HSD17B4: variants seen among roughly 807,000 people sequenced by gnomAD.
HSD17B4 encodes the protein peroxisomal multifunctional enzyme type 2.
A neutral mutation model predicts 101.0 loss-of-function variants in HSD17B4; 70 were observed. The ratio of observed to expected loss-of-function variants is 0.69; its 90% CI spans 0.57 to 0.85. The LOEUF is 0.85. Among genes scored for constraint, HSD17B4 ranks in the 40% least tolerant of loss-of-function variants. HSD17B4 has a pLI of 0.00. For synonymous variants in HSD17B4, 347 were observed against 297.1 expected (o/e 1.17, Z -1.73); for missense variants, 984 against 892.4 (o/e 1.10, Z -1.31).
intron 2 of HSD17B4, chr5:119,471,823 T>A (rs1756399728): frequency 1.8e-6 from 1 of 558,356 alleles, no homozygotes; most frequent in Admixed American, 3.4e-5. Flanking sequence ...ACTTTGATAT[T>A]TGTTCTTATT....
chr5:119,473,315 T>C (rs1357630209), intron 2 of HSD17B4, among the ~76,000 whole-genome samples: 1 of 110,964 alleles, frequency 9.0e-6, no homozygotes, highest in Non-Finnish European at 1.8e-5. Context: ...TCCCTGCTCC[T>C]TTTTTTTTTT....
At chr5:119,467,681 A>G (rs748377290) in intron 2 of HSD17B4, among the ~76,000 whole-genome samples, 14 of 152,244 alleles carry the variant, frequency 9.2e-5, no homozygotes, top group Non-Finnish European at 1.9e-4. Context: ...CCAAACATCA[A>G]TAGAAAATAC....
intron 17 of HSD17B4, among the ~76,000 whole-genome samples, chr5:119,517,627 C>T (rs1276545431): frequency 6.6e-6 from 1 of 152,222 alleles, no homozygotes; most frequent in Admixed American, 6.5e-5. Context: ...CACCAATGGG[C>T]ACTCTGTATC....
chr5:119,476,516 ATTGT>A, intron 6 of HSD17B4: 1 of 971,882 alleles, frequency 1.0e-6, no homozygotes, highest in Non-Finnish European at 1.2e-6. Context: ...CAATTGTATC[ATTGT>A]TTATAGAGTG....
intron 14 of HSD17B4, among the ~76,000 whole-genome samples, chr5:119,503,555 A>G (rs1428232786): frequency 6.6e-6 from 1 of 152,162 alleles, no homozygotes; most frequent in Non-Finnish European, 1.5e-5. Flanking sequence ...TTTATAATCT[A>G]CTACTGTTTA....
intron 22 of HSD17B4, among the ~76,000 whole-genome samples, chr5:119,532,719 G>A (rs911749535): frequency 2.6e-5 from 4 of 151,938 alleles, no homozygotes; most frequent in Non-Finnish European, 5.9e-5. Context: ...GTAAAAAATC[G>A]GAGGAAATGA....
At chr5:119,493,976 G>C in intron 11 of HSD17B4, 30 bp downstream of exon 11, 1 of 1,611,762 alleles carries the variant, frequency 6.2e-7, no homozygotes, top group South Asian at 1.1e-5. Flanking sequence ...CTTAGCCCTG[G>C]TTGGGGAATC....
chr5:119,518,460 A>G (rs1371120595), intron 17 of HSD17B4, among the ~76,000 whole-genome samples: 4 of 152,180 alleles, frequency 2.6e-5, no homozygotes, highest in Non-Finnish European at 5.9e-5. Flanking sequence ...TTCCGGACAC[A>G]GAAGGGTTCG....
At chr5:119,492,078 GT>G (rs869205643) in intron 9 of HSD17B4, 21 bp from the exon 10 acceptor site, 2 of 1,598,620 alleles carry the variant, frequency 1.3e-6, no homozygotes, top group East Asian at 2.2e-5. Context: ...ATGGTATAAT[GT>G]TTTCCCCCTC....
intron 15 of HSD17B4, 74 bp from the exon 16 acceptor site, chr5:119,509,067 T>C: frequency 1.2e-6 from 1 of 833,216 alleles, no homozygotes; most frequent in Non-Finnish European, 2.1e-6. Flanking sequence ...CAGGAATTGT[T>C]GAACCTATCT....
At chr5:119,519,674 A>C (rs1752944033) in intron 17 of HSD17B4, among the ~76,000 whole-genome samples, 1 of 152,234 alleles carries the variant, frequency 6.6e-6, no homozygotes, top group African/African-American at 2.4e-5. Flanking sequence ...ATATCAAGTC[A>C]TATTTCCTGG....
At chr5:119,458,316 C>T (rs988878839) in intron 2 of HSD17B4, among the ~76,000 whole-genome samples, 3 of 151,390 alleles carry the variant, frequency 2.0e-5, no homozygotes, top group South Asian at 2.1e-4. Context: ...CCATAGACAC[C>T]GTGTTTCCAA....
At chr5:119,503,742 T>C (rs1751403001) in intron 14 of HSD17B4, among the ~76,000 whole-genome samples, 2 of 143,692 alleles carry the variant, frequency 1.4e-5, no homozygotes, top group Non-Finnish European at 3.1e-5. Context: ...CTTTTCTGTC[T>C]GTTTTTTTTT....
chr5:119,474,813 A>G (rs867853661), intron 4 of HSD17B4, among the ~76,000 whole-genome samples: 19 of 152,172 alleles, frequency 1.2e-4, no homozygotes, highest in African/African-American at 4.3e-4. Flanking sequence ...CTTTTGGATA[A>G]TTATAATAAT....
intron 22 of HSD17B4, 134 bp from the exon 23 acceptor site, chr5:119,536,285 TGATA>T (rs774769481): frequency 1.0e-5 from 8 of 776,076 alleles, no homozygotes; most frequent in South Asian, 3.1e-5. Context: ...AATGTATAAT[TGATA>T]GATAGAATAT....
chr5:119,530,004 A>G (rs1283975473), intron 21 of HSD17B4, 24 bp downstream of exon 21: 1 of 1,345,864 alleles, frequency 7.4e-7, no homozygotes, highest in Admixed American at 1.7e-5. Context: ...ATTAGTATCC[A>G]AGCCACTTCC....
At chr5:119,530,609 T>C (rs2126892300) in intron 21 of HSD17B4, among the ~76,000 whole-genome samples, 1 of 151,164 alleles carries the variant, frequency 6.6e-6, no homozygotes, top group East Asian at 1.9e-4. Flanking sequence ...TCCCAGCCCT[T>C]TGGGAGGCTG....
intron 22 of HSD17B4, among the ~76,000 whole-genome samples, chr5:119,535,489 C>T (rs1456588955): frequency 1.3e-5 from 2 of 151,572 alleles, no homozygotes; most frequent in African/African-American, 4.8e-5. Context: ...AGGCTGGAGA[C>T]CAATTATTTT....
Position 119,522,327 on chromosome 5 carries a change from G to T in HSD17B4, c.1504-2889G>T, listed in dbSNP as rs141607770. 5.4e-3 allele frequency among the ~76,000 whole-genome samples: 817 copies of T among 152,158 alleles called. 11 individuals carry two copies. The highest frequency in any genetic ancestry group is 6.7e-3 in the Non-Finnish European group (458 of 67,998). ...ATATGTGCTACATTTTTTTAATCCA[G>T]TCTATCATTGTTGGACATTTGGGTT... On this transcript the variant is annotated intron_variant, in intron 17 of 23. Transcript: ENST00000510025.
Sources: gnomAD v4.1 joint callset for allele counts (sites outside exome capture counted in the v4.1 genomes callset) on GRCh38, gnomAD v4.1.1 for gene constraint, MANE v1.5 for transcripts, NCBI Gene and HGNC (gene_info 2026-07-23, HGNC 2026-07-21) for gene names.